Variants in RHCE observed in about 807,000 individuals in gnomAD.
RHCE encodes the protein Rh blood group CcEe antigens, also known as blood group Rh(CE) polypeptide.
In RHCE, 22 loss-of-function variants were observed where a neutral mutation model predicts 43.8. The ratio of observed to expected loss-of-function variants is 0.50; its 90% confidence interval spans 0.36 to 0.72. The LOEUF (loss-of-function observed/expected upper bound fraction) is 0.72. Among genes scored for constraint, RHCE ranks in the 30% least tolerant of loss-of-function variants. The probability of loss-of-function intolerance (pLI) is 0.00; values close to 1 mark genes in which losing one functional copy is unlikely to be tolerated. For synonymous variants in RHCE, 156 were observed against 210.7 expected (o/e 0.74, Z 2.25); for missense variants, 385 against 525.4 (o/e 0.73, Z 2.61).
Position 25,362,320 on chromosome 1 carries a change from T to C in RHCE, c.*207A>G, listed in dbSNP as rs138115560. ...ATTGATAGCATCATCCTAATGAAAC[T>C]AAACATTTATTTTAAACTTATTAAA... On this transcript the variant is annotated 3_prime_UTR_variant, in exon 10 of 10. Coordinates refer to ENST00000294413, the MANE Select transcript of RHCE (RefSeq NM_020485.8). 76 of 1,171,086 alleles carry C rather than the reference T, an allele frequency of 6.5e-5. No individual in the cohort carries two copies. Among genetic ancestry groups the C allele is most frequent in the Non-Finnish European group, 8.7e-5 (72 of 828,566 alleles). 72.5% of individuals were successfully genotyped at this position (1,171,086 alleles called of 1,614,324 possible). A position where few individuals can be genotyped will look rare whatever the true frequency, so the allele number is the denominator to read the frequency against.
chr1:25,416,824 G>GA (rs1390124741), intron 1 of RHCE, among the ~76,000 whole-genome samples: 1 of 148,968 alleles, frequency 6.7e-6, no homozygotes, highest in Non-Finnish European at 1.5e-5. Context: ...GATGGCGGGG[G>GA]GGGGTCTCCC....
chr1:25,401,471 A>C (rs1646739307), intron 3 of RHCE, among the ~76,000 whole-genome samples: 1 of 152,132 alleles, frequency 6.6e-6, no homozygotes, highest in South Asian at 2.1e-4. Context: ...CTCTCCAGGC[A>C]TCAGCCTTCT....
At chr1:25,374,224 G>A (rs1645714906) in intron 8 of RHCE, among the ~76,000 whole-genome samples, 1 of 151,594 alleles carries the variant, frequency 6.6e-6, no homozygotes, top group Admixed American at 6.6e-5. Flanking sequence ...AAGTAGCTGG[G>A]ATTACAGGTG....
rs1645426085 is a variant in RHCE, at chr1:25,362,402, A to T, written c.*125T>A. ...TTTTTTAATATCAAATCTGTCTCTGACCTTGTTTCATTATACATAAGGAGA... is the reference window on the plus strand; with the variant it reads ...TTTTTTAATATCAAATCTGTCTCTGTCCTTGTTTCATTATACATAAGGAGA... On this transcript the variant is annotated 3_prime_UTR_variant, in exon 10 of 10. Coordinates refer to ENST00000294413, the MANE Select transcript of RHCE (RefSeq NM_020485.8). The T allele has an allele frequency of 6.2e-6, 10 of 1,609,794 alleles. No individual in the cohort carries two copies. In the East Asian group the frequency reaches 2.2e-4, roughly 36 times the overall value.
chr1:25,369,534 C>G (rs1032092701), intron 9 of RHCE, among the ~76,000 whole-genome samples: 2 of 151,346 alleles, frequency 1.3e-5, no homozygotes, highest in Admixed American at 6.6e-5. Context: ...CCTTCTTCAC[C>G]TTCTTTCTAG....
chr1:25,425,737 G>A (rs1289788484), upstream of RHCE, among the ~76,000 whole-genome samples: 1 of 152,220 alleles, frequency 6.6e-6, no homozygotes. Context: ...GTGTAATCAT[G>A]ACTTTTCTGT....
intron 3 of RHCE, among the ~76,000 whole-genome samples, chr1:25,399,893 C>T: frequency 6.6e-6 from 1 of 152,068 alleles, no homozygotes; most frequent in East Asian, 1.9e-4. Flanking sequence ...ACAATCTGTC[C>T]ACAAATATAA....
chr1:25,383,737 C>A (rs1646067500), intron 7 of RHCE, among the ~76,000 whole-genome samples: 1 of 152,084 alleles, frequency 6.6e-6, no homozygotes, highest in African/African-American at 2.4e-5. Context: ...CTCACTCACC[C>A]TGATGAGAGT....
chr1:25,397,084 C>T (rs945222394), intron 3 of RHCE, among the ~76,000 whole-genome samples: 1 of 138,868 alleles, frequency 7.2e-6, no homozygotes, highest in African/African-American at 2.9e-5. Flanking sequence ...TGCACTCCAG[C>T]CTGGGTGATG....
At chr1:25,424,692 A>T (rs962912819), upstream of RHCE, among the ~76,000 whole-genome samples, 1 of 151,754 alleles carries the variant, frequency 6.6e-6, no homozygotes, top group African/African-American at 2.4e-5. Context: ...CTGGCCTCTG[A>T]TTGCCCTATT....
chr1:25,400,297 T>C (rs970375720), intron 3 of RHCE, among the ~76,000 whole-genome samples: 3 of 152,236 alleles, frequency 2.0e-5, no homozygotes, highest in Non-Finnish European at 2.9e-5. Flanking sequence ...TCTACAACCA[T>C]GCATGCCAAG....
intron 3 of RHCE, among the ~76,000 whole-genome samples, chr1:25,392,768 A>G (rs1468917531): frequency 3.3e-5 from 5 of 150,706 alleles, no homozygotes; most frequent in East Asian, 2.0e-4. Flanking sequence ...ATGGAATCTC[A>G]CTATGTTGCT....
chr1:25,410,052 G>A lies in RHCE; in HGVS notation c.149-1183C>T, dbSNP rs188283778. Among the ~76,000 whole-genome samples, 816 of 151,858 alleles carry A rather than the reference G, an allele frequency of 5.4e-3. 7 individuals carry two copies. The highest frequency in any genetic ancestry group is 0.018 in the African/African-American group (746 of 41,342). ...GCTGGGATTACAGGTGCCCACCACC[G>A]TGCCCGGCTAATTTTTGTATTTTTA... On this transcript the variant is annotated intron_variant, in intron 1 of 9. Coordinates refer to ENST00000294413, the MANE Select transcript of RHCE (RefSeq NM_020485.8).
chr1:25,412,392 G>C lies in RHCE; in HGVS notation c.149-3523C>G, dbSNP rs1377697761. Among the ~76,000 whole-genome samples, 6 of 152,248 alleles carry C rather than the reference G, an allele frequency of 3.9e-5. No individual in the cohort carries two copies. In the East Asian group the frequency reaches 1.2e-3, roughly 29 times the overall value. On this transcript the variant is annotated intron_variant, in intron 1 of 9. Transcript: ENST00000294413. ...AAGATGGGGAGAGGAGAGTTGCCTGGATAAGGGCAGAGTTGGGGCCCTAAA... is the reference window on the plus strand; with the variant it reads ...AAGATGGGGAGAGGAGAGTTGCCTGCATAAGGGCAGAGTTGGGGCCCTAAA...
At position 25,406,592 on chromosome 1, in the gene RHCE, C is replaced by T. The variant is rs538987351; in HGVS notation, c.335+2091G>A. 1.5e-4 allele frequency among the ~76,000 whole-genome samples: 17 copies of T among 115,540 alleles called. 6 individuals are homozygous for T. Among genetic ancestry groups the T allele is most frequent in the South Asian group, 9.5e-4 (2 of 2,104 alleles). 75.8% of individuals were successfully genotyped at this position (115,540 alleles called of 152,430 possible). On this transcript the variant is annotated intron_variant, in intron 2 of 9. Coordinates refer to ENST00000294413, the MANE Select transcript of RHCE (RefSeq NM_020485.8). The stretch of plus-strand genomic sequence containing the variant: ...CCTCCTAAAGTACTAGGATTACAGG[C>T]ATGAACCACCGCGCCTGGCCTAAAA...
rs764289876 is a variant in RHCE, at chr1:25,392,021, T to C, written c.607A>G (p.Thr203Ala). Residue 203 changes from threonine to alanine, a missense_variant, in exon 4 of 10, where the codon ACG (threonine) becomes GCG (alanine). Physicochemically the swap from Thr to Ala is moderately conservative, Grantham distance 58 (BLOSUM62 0). Transcript: ENST00000294413. Reference sequence around the variant, plus strand: ...AGCATGGCAGACAAACTGGGTATCGTTGCTCTCTGATCATTATCCTCCGTT... The same window carrying C: ...AGCATGGCAGACAAACTGGGTATCGCTGCTCTCTGATCATTATCCTCCGTT... ...KGTEDNDQRA[T>A]IPSLSAMLGA... 7 of 1,614,066 alleles carry C rather than the reference T, an allele frequency of 4.3e-6. No individual in the cohort carries two copies. The highest frequency in any genetic ancestry group is 5.9e-6 in the Non-Finnish European group (7 of 1,180,038).
At chr1:25,379,737 C>G (rs528321256) in intron 7 of RHCE, among the ~76,000 whole-genome samples, 4 of 148,282 alleles carry the variant, frequency 2.7e-5, no homozygotes, top group African/African-American at 1.0e-4. Flanking sequence ...TGCAGTGGCA[C>G]GACCATAGCT....
chr1:25,399,240 C>T (rs1390919384), intron 3 of RHCE: 2 of 788,272 alleles, frequency 2.5e-6, no homozygotes, highest in African/African-American at 1.7e-5. Context: ...ATGTATGCCT[C>T]TTTGCCTCTG....
intron 1 of RHCE, among the ~76,000 whole-genome samples, chr1:25,416,790 C>A (rs563588867): frequency 0.02 from 2,669 of 131,394 alleles, 102 homozygotes; most frequent in African/African-American, 0.085. Context: ...TTAAATTTTA[C>A]AGTTTTTTTT....
Sources: gnomAD v4.1 joint callset for allele counts (sites outside exome capture counted in the v4.1 genomes callset) on GRCh38, gnomAD v4.1.1 for gene constraint, MANE v1.5 for transcripts, NCBI Gene and HGNC (gene_info 2026-07-23, HGNC 2026-07-21) for gene names.